GALNT13: variants seen among roughly 807,000 people sequenced by gnomAD.
GALNT13 encodes polypeptide N-acetylgalactosaminyltransferase 13.
In GALNT13, 28 loss-of-function variants were observed where a neutral mutation model predicts 64.2. That is an observed-to-expected ratio of 0.44 (90% CI 0.32 to 0.60). The LOEUF (loss-of-function observed/expected upper bound fraction) is 0.60. Ranked by LOEUF, GALNT13 falls within the 20% of genes least tolerant of loss-of-function variation. The pLI is 0.05. For missense variants in GALNT13, 577 were observed against 669.8 expected (o/e 0.86, Z 1.53); for synonymous variants, 214 against 224.6 (o/e 0.95, Z 0.42).
chr2:154,406,362 G>A (rs1469154), intron 10 of GALNT13, among the ~76,000 whole-genome samples: 99,066 of 151,882 alleles, frequency 0.65, 32,847 homozygotes, highest in Admixed American at 0.73. Flanking sequence ...TCTTTGCACA[G>A]CAGCCACAAT....
the GALNT13 span, among the ~76,000 whole-genome samples, chr2:153,454,269 G>GTA: frequency 1.6e-3 from 243 of 151,044 alleles, no homozygotes; most frequent in Middle Eastern, 3.4e-3. Context: ...TTGAAATTAT[G>GTA]TATATATATA....
At chr2:153,548,848 A>G in the GALNT13 span, among the ~76,000 whole-genome samples, 1 of 152,240 alleles carries the variant, frequency 6.6e-6, no homozygotes, top group Non-Finnish European at 1.5e-5. Flanking sequence ...AGCATGATTC[A>G]TAACACTCCC....
intron 4 of GALNT13, among the ~76,000 whole-genome samples, chr2:154,189,781 A>C (rs1016717046): frequency 6.6e-6 from 1 of 152,104 alleles, no homozygotes; most frequent in Non-Finnish European, 1.5e-5. Context: ...ATCCACTCCT[A>C]CTATGGTGGA....
chr2:153,652,914 T>C, the GALNT13 span, among the ~76,000 whole-genome samples: 12 of 152,194 alleles, frequency 7.9e-5, no homozygotes, highest in Admixed American at 1.3e-4. Flanking sequence ...TTTTCTTCCT[T>C]TAAAAAAACT....
intron 9 of GALNT13, among the ~76,000 whole-genome samples, chr2:154,367,912 G>C (rs1472994906): frequency 7.2e-5 from 11 of 152,100 alleles, no homozygotes; most frequent in Admixed American, 7.2e-4. Flanking sequence ...TGAGTAAAAA[G>C]TTCAAGAATA....
chr2:154,089,134 C>A (rs769361798), intron 3 of GALNT13, among the ~76,000 whole-genome samples: 2 of 152,144 alleles, frequency 1.3e-5, no homozygotes, highest in Non-Finnish European at 2.9e-5. Context: ...TTTAACCTTC[C>A]CCACACTTTA....
the GALNT13 span, among the ~76,000 whole-genome samples, chr2:153,719,773 C>T: frequency 6.6e-6 from 1 of 151,584 alleles, no homozygotes; most frequent in Non-Finnish European, 1.5e-5. Flanking sequence ...AACGGCGCAC[C>T]ACGAGACTAT....
chr2:153,475,718 GT>G, the GALNT13 span, among the ~76,000 whole-genome samples: 130 of 152,258 alleles, frequency 8.5e-4, no homozygotes, highest in Middle Eastern at 3.4e-3. Flanking sequence ...TAGCTGATTT[GT>G]TTTTTTATCC....
the GALNT13 span, among the ~76,000 whole-genome samples, chr2:153,152,489 G>GT: frequency 6.6e-6 from 1 of 151,724 alleles, no homozygotes; most frequent in African/African-American, 2.4e-5. Context: ...TATCATGGGT[G>GT]TTTGTTGTAC....
At chr2:153,596,078 C>A in the GALNT13 span, among the ~76,000 whole-genome samples, 1 of 152,196 alleles carries the variant, frequency 6.6e-6, no homozygotes, top group African/African-American at 2.4e-5. Context: ...GGCTTACTCA[C>A]AAGGCTGGCA....
At chr2:153,578,469 T>G in the GALNT13 span, among the ~76,000 whole-genome samples, 1 of 152,186 alleles carries the variant, frequency 6.6e-6, no homozygotes, top group Non-Finnish European at 1.5e-5. Flanking sequence ...GCTTTTTAAG[T>G]CACACTTTTC....
At chr2:153,687,425 T>A in the GALNT13 span, among the ~76,000 whole-genome samples, 1 of 152,164 alleles carries the variant, frequency 6.6e-6, no homozygotes, top group East Asian at 1.9e-4. Flanking sequence ...CTAGTTTATA[T>A]GCATAAACTA....
intron 3 of GALNT13, among the ~76,000 whole-genome samples, chr2:154,028,221 A>G (rs990583011): frequency 2.0e-5 from 3 of 152,186 alleles, no homozygotes; most frequent in African/African-American, 2.4e-5. Flanking sequence ...AGGCAAAATC[A>G]TAACCTGCAT....
the GALNT13 span, among the ~76,000 whole-genome samples, chr2:153,613,584 C>T: frequency 6.6e-6 from 1 of 152,006 alleles, no homozygotes; most frequent in East Asian, 1.9e-4. Flanking sequence ...ATATATACTA[C>T]TAATTTCTGA....
At chr2:154,174,297 C>T (rs1406450535) in intron 4 of GALNT13, among the ~76,000 whole-genome samples, 1 of 152,064 alleles carries the variant, frequency 6.6e-6, no homozygotes, top group Non-Finnish European at 1.5e-5. Context: ...GTGAATAGGG[C>T]AGATGCAATT....
chr2:153,374,915 A>G, the GALNT13 span, among the ~76,000 whole-genome samples: 2 of 152,274 alleles, frequency 1.3e-5, no homozygotes, highest in South Asian at 4.1e-4. Flanking sequence ...CAGATATTGG[A>G]CTAATGCTAG....
At chr2:153,503,857 T>C in the GALNT13 span, among the ~76,000 whole-genome samples, 3 of 152,200 alleles carry the variant, frequency 2.0e-5, no homozygotes, top group African/African-American at 7.2e-5. Context: ...GGTCTTGCTT[T>C]AGCTCTGCAG....
At chr2:153,264,145 T>C in the GALNT13 span, among the ~76,000 whole-genome samples, 4 of 152,310 alleles carry the variant, frequency 2.6e-5, no homozygotes, top group East Asian at 7.7e-4. Context: ...GAGCAGACCC[T>C]TCTGAAAAGA....
rs367560501 is a variant in GALNT13 at position 154,157,722 on chromosome 2, A to G, written c.311+17217A>G. Among the ~76,000 whole-genome samples, 36 of 152,256 alleles carry G rather than the reference A, an allele frequency of 2.4e-4. 1 individual carries two copies. Among genetic ancestry groups the G allele is most frequent in the African/African-American group, 7.0e-4 (29 of 41,556 alleles). On this transcript the variant is annotated intron_variant, in intron 4 of 12. Coordinates refer to ENST00000392825, the MANE Select transcript of GALNT13 (RefSeq NM_052917.4). The stretch of plus-strand genomic sequence containing the variant: ...ACCATTTTGTTTTGAATTCCCTGCA[A>G]TTGACTTTTATCCCCACAATACAGC...
Sources: gnomAD v4.1 joint callset for allele counts (sites outside exome capture counted in the v4.1 genomes callset) on GRCh38, gnomAD v4.1.1 for gene constraint, MANE v1.5 for transcripts, NCBI Gene and HGNC (gene_info 2026-07-23, HGNC 2026-07-21) for gene names.